Variants in EVI5 observed in about 807,000 individuals in gnomAD.
EVI5 encodes ecotropic viral integration site 5 protein homolog.
EVI5 carries 73 observed loss-of-function variants against 112.0 expected under a neutral mutation model. The ratio of observed to expected loss-of-function variants is 0.65; its 90% CI spans 0.54 to 0.79. The LOEUF is 0.79. Ranked by LOEUF, EVI5 falls within the 30% of genes least tolerant of loss-of-function variation. The pLI is 0.00. For missense variants in EVI5, 900 were observed against 968.8 expected, an observed-to-expected ratio of 0.93 and a Z score of 0.94; for synonymous variants, 305 against 319.9, an observed-to-expected ratio of 0.95 and a Z score of 0.50.
At chr1:92,768,266 G>C (rs1406570774) in intron 1 of EVI5, among the ~76,000 whole-genome samples, 4 of 151,882 alleles carry the variant, frequency 2.6e-5, no homozygotes, top group East Asian at 3.9e-4. Flanking sequence ...AATACAATGA[G>C]AGTACATAAG....
At chr1:92,523,883 C>A (rs1408109525) in intron 19 of EVI5, among the ~76,000 whole-genome samples, 2 of 151,922 alleles carry the variant, frequency 1.3e-5, no homozygotes. Context: ...GTCAGAAGTT[C>A]GAGACCAGCC....
intron 10 of EVI5, among the ~76,000 whole-genome samples, chr1:92,672,468 CT>C (rs1666035252): frequency 6.6e-6 from 1 of 152,184 alleles, no homozygotes; most frequent in Non-Finnish European, 1.5e-5. Flanking sequence ...TCCTTCAGGT[CT>C]TTTTTCAAAA....
intron 9 of EVI5, among the ~76,000 whole-genome samples, chr1:92,683,716 G>T (rs1667986469): frequency 6.6e-6 from 1 of 152,184 alleles, no homozygotes; most frequent in African/African-American, 2.4e-5. Flanking sequence ...GACCTTAAAT[G>T]ACCTGATGGA....
chr1:92,758,247 A>AT (rs1681252963), intron 1 of EVI5, among the ~76,000 whole-genome samples: 1 of 152,178 alleles, frequency 6.6e-6, no homozygotes, highest in South Asian at 2.1e-4. Context: ...TTTTAGTATC[A>AT]TGTAAGCCTT....
chr1:92,714,158 C>T (rs190822916), intron 2 of EVI5: 1 of 981,788 alleles, frequency 1.0e-6, no homozygotes. Flanking sequence ...TAAACCATTT[C>T]TTCACATCTT....
chr1:92,527,988 G>A (rs1190793744), intron 19 of EVI5, among the ~76,000 whole-genome samples: 3 of 152,062 alleles, frequency 2.0e-5, no homozygotes, highest in African/African-American at 4.8e-5. Context: ...TAACTTCTGC[G>A]TAATAAAGAA....
rs1685124139 is a variant in EVI5 at position 92,783,444 on chromosome 1, G to T, written c.-82+1392C>A. Reference sequence around the variant, plus strand: ...AGCTACTCGGGAGGCTGAGGCAGGAGAATATATCCAGCCTAGGCAACAGAG... The same window carrying T: ...AGCTACTCGGGAGGCTGAGGCAGGATAATATATCCAGCCTAGGCAACAGAG... On this transcript the variant is annotated intron_variant, in intron 1 of 19. Coordinates refer to ENST00000684568, the MANE Select transcript of EVI5 (RefSeq NM_001350197.2). Among the ~76,000 whole-genome samples, 10 of 121,898 alleles carry T rather than the reference G, an allele frequency of 8.2e-5. No homozygotes were observed. The South Asian group carries it at 2.6e-3, about 32-fold the overall frequency. 80.0% of individuals were successfully genotyped at this position (121,898 alleles called of 152,430 possible). A position where few individuals can be genotyped will look rare whatever the true frequency, so the allele number is the denominator to read the frequency against.
chr1:92,634,952 C>A (rs755213185), intron 14 of EVI5, among the ~76,000 whole-genome samples: 3 of 152,168 alleles, frequency 2.0e-5, no homozygotes, highest in Non-Finnish European at 4.4e-5. Context: ...CACTCCAGAC[C>A]CTGTTTGCCT....
intron 18 of EVI5, among the ~76,000 whole-genome samples, chr1:92,566,664 T>C (rs1030466512): frequency 6.6e-6 from 1 of 152,164 alleles, no homozygotes; most frequent in Non-Finnish European, 1.5e-5. Context: ...GAAGAAAGCA[T>C]TGTTCTCATA....
intron 2 of EVI5, among the ~76,000 whole-genome samples, chr1:92,730,491 C>T (rs115711902): frequency 7.3e-4 from 110 of 151,194 alleles, no homozygotes; most frequent in African/African-American, 2.4e-3. Flanking sequence ...ATCCAGGCAA[C>T]GAAGCAAGAC....
chr1:92,539,378 C>T (rs779217364), intron 19 of EVI5, among the ~76,000 whole-genome samples: 8 of 151,892 alleles, frequency 5.3e-5, no homozygotes, highest in Non-Finnish European at 1.2e-4. Flanking sequence ...CCCGTCTCTA[C>T]TAAAAATATA....
At chr1:92,561,556 T>TATC (rs1235169115) in intron 19 of EVI5, among the ~76,000 whole-genome samples, 2 of 106,322 alleles carry the variant, frequency 1.9e-5, no homozygotes, top group Non-Finnish European at 4.3e-5. Context: ...TGAGACTGAC[T>TATC]ATCTATCTAT....
chr1:92,709,415 CG>C (rs1309974608), intron 2 of EVI5, among the ~76,000 whole-genome samples: 1 of 152,062 alleles, frequency 6.6e-6, no homozygotes, highest in East Asian at 1.9e-4. Context: ...AGTAAAAATT[CG>C]GTGAGAAATG....
rs1220106657 is a variant in EVI5 at position 92,613,946 on chromosome 1, T to C, written c.1828-6219A>G. On this transcript the variant is annotated intron_variant, in intron 16 of 19. Transcript: ENST00000684568. ...AACACTGTTGCCCCTCCAACTCTTC[T>C]GTAATAAGTAACAAATGGAATACTG... is the stretch of plus-strand genomic sequence containing the variant. Among the ~76,000 whole-genome samples the C allele has an allele frequency of 5.9e-5, 9 of 152,302 alleles. 1 individual carries two copies.
intron 2 of EVI5, among the ~76,000 whole-genome samples, chr1:92,708,655 TTATA>T (rs1672377366): frequency 6.6e-6 from 1 of 151,944 alleles, no homozygotes. Context: ...CATCAAAAAC[TTATA>T]TACAAGCATT....
intron 14 of EVI5, among the ~76,000 whole-genome samples, chr1:92,632,558 T>TC (rs1657418003): frequency 6.6e-6 from 1 of 152,008 alleles, no homozygotes; most frequent in African/African-American, 2.4e-5. Flanking sequence ...TCTATTTGAT[T>TC]ATTCTCTCTT....
chr1:92,784,894 G>A lies in EVI5; in HGVS notation c.-140C>T. On this transcript the variant is annotated 5_prime_UTR_variant, in exon 1 of 20. Coordinates refer to ENST00000684568, the MANE Select transcript of EVI5 (RefSeq NM_001350197.2). ...TTAACTTCCCATCCAGCCGGCAGCC[G>A]CGCCGCCGCGTCTCAGCGCCTCGGC... 1 of 986,036 alleles carries A rather than the reference G, an allele frequency of 1.0e-6. No homozygotes were observed. The highest frequency in any genetic ancestry group is 1.2e-6 in the Non-Finnish European group (1 of 830,590). The allele number at this position is 986,036 out of a possible 1,614,324, so 61.1% of individuals were successfully genotyped here.
chr1:92,556,227 C>G (rs1002377532), intron 19 of EVI5, among the ~76,000 whole-genome samples: 2 of 152,030 alleles, frequency 1.3e-5, no homozygotes, highest in Non-Finnish European at 2.9e-5. Flanking sequence ...CCATGCCTGG[C>G]TAATTTTTGT....
chr1:92,513,988 A>G lies in EVI5; in HGVS notation c.2167-18T>C. ...CACCTGAGCTGTTAAAACAAAATCC[A>G]AGTTAATACAGTCAAATGGGGGAAA... On this transcript the variant is annotated intron_variant, in intron 19 of 19. Coordinates refer to ENST00000684568, the MANE Select transcript of EVI5 (RefSeq NM_001350197.2). 1 of 1,476,778 alleles carries G rather than the reference A, an allele frequency of 6.8e-7. No individual in the cohort carries two copies. The highest frequency in any genetic ancestry group is 1.4e-5 in the South Asian group (1 of 72,988). 91.5% of individuals were successfully genotyped at this position (1,476,778 alleles called of 1,614,324 possible).
Sources: gnomAD v4.1 joint callset for allele counts (sites outside exome capture counted in the v4.1 genomes callset) on GRCh38, gnomAD v4.1.1 for gene constraint, MANE v1.5 for transcripts, NCBI Gene and HGNC (gene_info 2026-07-23, HGNC 2026-07-21) for gene names.